RALGPS2: variants seen among roughly 807,000 people sequenced by gnomAD.
The protein encoded by RALGPS2 is ras-specific guanine nucleotide-releasing factor RalGPS2.
A neutral mutation model predicts 86.8 loss-of-function variants in RALGPS2; 43 were observed. The ratio of observed to expected loss-of-function variants is 0.50; its 90% CI spans 0.39 to 0.64. The LOEUF (loss-of-function observed/expected upper bound fraction) is 0.64, where lower values mean the gene tolerates loss of function less well. RALGPS2 is among the 30% of genes least tolerant of loss of function. The probability of loss-of-function intolerance (pLI) is 0.00; values close to 1 mark genes in which losing one functional copy is unlikely to be tolerated. For synonymous variants in RALGPS2, 243 were observed against 231.3 expected (o/e 1.05, Z -0.46); for missense variants, 536 against 694.6 (o/e 0.77, Z 2.57).
At chr1:178,747,885 C>A (rs1651429767) in intron 1 of RALGPS2, 1 of 551,554 alleles carries the variant, frequency 1.8e-6, no homozygotes, top group Non-Finnish European at 3.3e-6. Context: ...GAATTAAAAT[C>A]AGTGAACTAG....
intron 8 of RALGPS2, among the ~76,000 whole-genome samples, chr1:178,857,461 AAG>A (rs1187879596): frequency 1.2e-4 from 18 of 152,172 alleles, no homozygotes; most frequent in African/African-American, 4.3e-4. Flanking sequence ...AGTCACAAGA[AAG>A]AGAGAATTCC....
chr1:178,772,190 T>A (rs1327148599), intron 1 of RALGPS2, among the ~76,000 whole-genome samples: 1 of 152,262 alleles, frequency 6.6e-6, no homozygotes, highest in African/African-American at 2.4e-5. Flanking sequence ...TCACTTGGGT[T>A]GTTTTCATGC....
intron 17 of RALGPS2, 98 bp downstream of exon 17, chr1:178,897,854 G>T: frequency 3.1e-6 from 3 of 956,242 alleles, no homozygotes; most frequent in South Asian, 3.6e-5. Context: ...TTTTGGGTTT[G>T]CCTTGTTTTT....
intron 8 of RALGPS2, among the ~76,000 whole-genome samples, chr1:178,867,650 G>A (rs1658498423): frequency 2.0e-5 from 3 of 151,828 alleles, no homozygotes; most frequent in Non-Finnish European, 2.9e-5. Context: ...TTCATTGACC[G>A]GTTACTTAAT....
At chr1:178,830,568 A>G (rs1264595121) in intron 7 of RALGPS2, among the ~76,000 whole-genome samples, 1 of 152,236 alleles carries the variant, frequency 6.6e-6, no homozygotes, top group Non-Finnish European at 1.5e-5. Flanking sequence ...GCCATTCACA[A>G]AAATCCTTGT....
At chr1:178,844,825 G>A (rs939831638) in intron 8 of RALGPS2, among the ~76,000 whole-genome samples, 1 of 151,616 alleles carries the variant, frequency 6.6e-6, no homozygotes, top group African/African-American at 2.4e-5. Context: ...ATTCTTTAAT[G>A]TGCTTTTTCT....
intron 1 of RALGPS2, among the ~76,000 whole-genome samples, chr1:178,752,206 G>T (rs1651717043): frequency 6.6e-6 from 1 of 151,438 alleles, no homozygotes; most frequent in South Asian, 2.1e-4. Flanking sequence ...CACAGTCTTG[G>T]CCCACTGCAG....
intron 1 of RALGPS2, among the ~76,000 whole-genome samples, chr1:178,746,329 TTATA>T (rs1651328444): frequency 6.6e-6 from 1 of 152,240 alleles, no homozygotes; most frequent in Non-Finnish European, 1.5e-5. Flanking sequence ...TGTTTAGTCC[TTATA>T]TATATTTTTT....
chr1:178,817,002 C>G (rs1655261816), intron 6 of RALGPS2, among the ~76,000 whole-genome samples: 1 of 151,912 alleles, frequency 6.6e-6, no homozygotes, highest in African/African-American at 2.4e-5. Flanking sequence ...GCCACCGCAC[C>G]CAGCCAAATT....
chr1:178,849,896 T>A (rs1454731016), intron 8 of RALGPS2: 1 of 152,244 alleles, frequency 6.6e-6, no homozygotes, highest in African/African-American at 2.4e-5. Flanking sequence ...AAAAGTTTCA[T>A]GAGCTATCTT....
At chr1:178,817,207 T>C (rs911027553) in intron 6 of RALGPS2, among the ~76,000 whole-genome samples, 1 of 151,720 alleles carries the variant, frequency 6.6e-6, no homozygotes, top group African/African-American at 2.4e-5. Flanking sequence ...TAACTAGGTG[T>C]GTTGGCGCAC....
chr1:178,752,029 T>C (rs1572286429), intron 1 of RALGPS2, among the ~76,000 whole-genome samples: 1 of 152,306 alleles, frequency 6.6e-6, no homozygotes, highest in East Asian at 1.9e-4. Flanking sequence ...GGAGGATGCA[T>C]GGCATATGAC....
chr1:178,827,641 C>T (rs547497382), intron 7 of RALGPS2, among the ~76,000 whole-genome samples: 2 of 152,046 alleles, frequency 1.3e-5, no homozygotes, highest in South Asian at 2.1e-4. Flanking sequence ...GTGATCCGCC[C>T]GCCTCGGCCT....
intron 4 of RALGPS2, 142 bp from the exon 5 acceptor site, chr1:178,807,903 T>C: frequency 1.5e-6 from 1 of 675,860 alleles, no homozygotes; most frequent in Non-Finnish European, 2.6e-6. Context: ...TCCAACTGAA[T>C]GGATATAATA....
Position 178,918,662 on chromosome 1 carries a change from CGTT to C in RALGPS2, c.*2307_*2309del, listed in dbSNP as rs983185693. 12 of 152,030 alleles carry C rather than the reference CGTT, an allele frequency of 7.9e-5. No individual in the cohort carries two copies. Among genetic ancestry groups the C allele is most frequent in the African/African-American group, 2.4e-4 (10 of 41,418 alleles). The allele number at this position is 152,030 out of a possible 1,614,324, so 9.4% of individuals were successfully genotyped here. On this transcript the variant is annotated 3_prime_UTR_variant, in exon 20 of 20. Transcript: ENST00000367635. The stretch of plus-strand genomic sequence containing the variant: ...CTAAATTTCTTAACAGCACAGAAGT[CGTT>C]GTTTTTCTGTCTTTAAAATTTATTC...
At chr1:178,729,208 G>A (rs557724357) in intron 1 of RALGPS2, among the ~76,000 whole-genome samples, 2 of 152,106 alleles carry the variant, frequency 1.3e-5, no homozygotes, top group African/African-American at 4.8e-5. Context: ...TCTTGCAGAA[G>A]TGTTTTCTGA....
intron 1 of RALGPS2, among the ~76,000 whole-genome samples, chr1:178,748,632 C>T (rs1406958182): frequency 6.6e-6 from 1 of 151,544 alleles, no homozygotes; most frequent in Non-Finnish European, 1.5e-5. Flanking sequence ...GCAGGTGGAT[C>T]ACCTGAGGTC....
chr1:178,735,443 T>TA (rs1472606429), intron 1 of RALGPS2, among the ~76,000 whole-genome samples: 1 of 150,522 alleles, frequency 6.6e-6, no homozygotes, highest in Admixed American at 6.6e-5. Context: ...TTTTTTTTTT[T>TA]TTTTGATGCT....
chr1:178,798,044 G>A (rs1654288120), intron 4 of RALGPS2, among the ~76,000 whole-genome samples: 1 of 141,176 alleles, frequency 7.1e-6, no homozygotes, highest in Non-Finnish European at 1.5e-5. Flanking sequence ...TTAAGAAAAA[G>A]GGATGGCGTG....
Sources: allele counts gnomAD v4.1 joint callset (sites outside exome capture counted in the v4.1 genomes callset), GRCh38; gene constraint gnomAD v4.1.1; transcripts MANE v1.5; gene names NCBI Gene and HGNC (gene_info 2026-07-23, HGNC 2026-07-21).